PRPF8: variants seen among roughly 807,000 people sequenced by gnomAD.
PRPF8 encodes pre-mRNA-processing-splicing factor 8.
In PRPF8, 64 loss-of-function variants were observed where a neutral mutation model predicts 285.9. The observed-to-expected ratio is 0.22, with a 90% CI of 0.18 to 0.28. The LOEUF is 0.28. PRPF8 is among the 10% of genes least tolerant of loss of function. The pLI, the probability that PRPF8 is intolerant of heterozygous loss-of-function variation, is 1.00. For synonymous variants in PRPF8, 1,325 were observed against 1,118.2 expected (o/e 1.18, Z -3.69); for missense variants, 1,426 against 3,026.7 (o/e 0.47, Z 12.41).
Position 1,653,437 on chromosome 17 carries a change from G to T in PRPF8, c.6369+105C>A. On this transcript the variant is annotated intron_variant, in intron 39 of 42. Transcript: ENST00000304992. The surrounding 1 kb of genome is among the most constrained non-coding windows in gnomAD (Gnocchi z 4.9). ...TATCCTTGTATAATTACTCATCCAT[G>T]AATCTTGAAACCAGCATCTCAAGTT... 2 of 1,497,942 alleles carry T rather than the reference G, an allele frequency of 1.3e-6. No homozygotes were observed. Among genetic ancestry groups the T allele is most frequent in the Non-Finnish European group, 1.9e-6 (2 of 1,079,734 alleles). The allele number at this position is 1,497,942 out of a possible 1,614,324, so 92.8% of individuals were successfully genotyped here. A position where few individuals can be genotyped will look rare whatever the true frequency, so the allele number is the denominator to read the frequency against.
intron 24 of PRPF8, among the ~76,000 whole-genome samples, chr17:1,667,289 G>A (rs1912044735): frequency 6.6e-6 from 1 of 152,202 alleles, no homozygotes; most frequent in African/African-American, 2.4e-5. Flanking sequence ...GCTGATGTGT[G>A]TAATGGAACA....
intron 4 of PRPF8, 37 bp downstream of exon 4, chr17:1,682,092 C>T (rs1217980348): frequency 1.9e-6 from 3 of 1,613,326 alleles, no homozygotes; most frequent in Non-Finnish European, 2.5e-6. Context: ...CCAACCACCA[C>T]CACCACCACC....
At chr17:1,684,649 A>G in intron 1 of PRPF8, 67 bp from the exon 2 acceptor site, 1 of 1,471,240 alleles carries the variant, frequency 6.8e-7, no homozygotes, top group South Asian at 1.2e-5. Flanking sequence ...CGCAGCAGAA[A>G]GGCGTCCGGG....
At chr17:1,681,116 T>A in intron 6 of PRPF8, 62 bp from the exon 7 acceptor site, 1 of 1,534,214 alleles carries the variant, frequency 6.5e-7, no homozygotes, top group Non-Finnish European at 9.0e-7. Context: ...CTCACTCTTA[T>A]CACCCAAGCT....
In PRPF8 at chr17:1,659,040, C is replaced by CT; in HGVS notation, c.5139-278dup. 1 of 492,018 alleles carries CT rather than the reference C, an allele frequency of 2.0e-6. No homozygotes were observed. The highest frequency in any genetic ancestry group is 3.5e-6 in the Non-Finnish European group (1 of 283,776). The allele number at this position is 492,018 out of a possible 1,614,324, so 30.5% of individuals were successfully genotyped here. The stretch of plus-strand genomic sequence containing the variant: ...TTTATTTATTATTATTATTATTTTT[C>CT]TTTGAGATGGAGTCTCACTCTGTCG... On this transcript the variant is annotated intron_variant, in intron 32 of 42. Coordinates refer to ENST00000304992, the MANE Select transcript of PRPF8 (RefSeq NM_006445.4). The surrounding 1 kb of genome is among the most constrained non-coding windows in gnomAD (Gnocchi z 5.1).
At position 1,681,823 on chromosome 17, in the gene PRPF8, C is replaced by T; in HGVS notation, c.650G>A (p.Arg217Lys). 1.2e-6 allele frequency: 2 copies of T among 1,614,020 alleles called. No individual in the cohort carries two copies. The highest frequency in any genetic ancestry group is 1.7e-6 in the Non-Finnish European group (2 of 1,179,972). The change falls in exon 5 of 43, where the codon AGG becomes AAG. Residue 217 changes from arginine (R) to lysine (K), a missense_variant. Physicochemically the swap from Arg to Lys is conservative, Grantham distance 26. Around this residue, in one of 34 missense-constraint regions of PRPF8, gnomAD observed 157 missense variants for 159.6 expected, o/e 0.98. Transcript: ENST00000304992. ...FYDHQPLRDS[R>K]KYVNGSTYQR... The stretch of plus-strand genomic sequence containing the variant: ...AGTATCTCCATCTATCACTCACTTC[C>T]TGCTGTCCCTCAACGGCTGGTGGTC...
At chr17:1,665,761 G>T (rs577068314) in intron 24 of PRPF8, among the ~76,000 whole-genome samples, 2 of 147,200 alleles carry the variant, frequency 1.4e-5, no homozygotes, top group Admixed American at 6.8e-5. Context: ...CAGGAGAATC[G>T]CTTGAACTCA....
In PRPF8 at chr17:1,683,436, C is replaced by T. The variant is rs1913048602; in HGVS notation, c.269+97G>A. ...GGTTTTCTCCTTTCTCTTATATCCA[C>T]CAAGATGAGCTGTCAAAGCATCAAT... On this transcript the variant is annotated intron_variant, in intron 3 of 42. Transcript: ENST00000304992. 7.4e-6 allele frequency: 10 copies of T among 1,360,212 alleles called. No homozygotes were observed. In the South Asian group the frequency reaches 1.1e-4, roughly 14 times the overall value. The allele number at this position is 1,360,212 out of a possible 1,614,324, so 84.3% of individuals were successfully genotyped here. A position where few individuals can be genotyped will look rare whatever the true frequency, so the allele number is the denominator to read the frequency against.
intron 34 of PRPF8, 151 bp from the exon 35 acceptor site, chr17:1,656,912 A>T (rs1419706000): frequency 2.3e-5 from 18 of 783,584 alleles, no homozygotes; most frequent in Non-Finnish European, 3.9e-5. Flanking sequence ...AAGAGTATCA[A>T]ATGGCCGTGT....
chr17:1,656,616 C>T, intron 35 of PRPF8, 32 bp downstream of exon 35: 2 of 1,613,936 alleles, frequency 1.2e-6, no homozygotes, highest in South Asian at 2.2e-5. Context: ...GTCTCAAGGT[C>T]TCTTTTCTCC....
rs903192367 is a variant in PRPF8 at position 1,658,993 on chromosome 17, T to C, written c.5139-230A>G. Among the ~76,000 whole-genome samples, 2 of 152,148 alleles carry C rather than the reference T, an allele frequency of 1.3e-5. No individual in the cohort carries two copies. Among genetic ancestry groups the C allele is most frequent in the African/African-American group, 2.4e-5 (1 of 41,428 alleles). On this transcript the variant is annotated intron_variant, in intron 32 of 42. Coordinates refer to ENST00000304992, the MANE Select transcript of PRPF8 (RefSeq NM_006445.4). This position sits in a 1 kb window ranked among gnomAD's most constrained non-coding sequence, Gnocchi z 4.1. The stretch of plus-strand genomic sequence containing the variant: ...TGACTACGTTAAAGTATGGAGCTAA[T>C]GGAAAATACACGGATTATTTATTTA...
intron 37 of PRPF8, chr17:1,654,587 C>G (rs9896403): frequency 0.17 from 32,475 of 196,090 alleles, 6,087 homozygotes; most frequent in African/African-American, 0.51. Context: ...CCATACTATT[C>G]GAAGACACTG....
chr17:1,662,825 T>C (rs1209234475), intron 24 of PRPF8, among the ~76,000 whole-genome samples: 2 of 133,440 alleles, frequency 1.5e-5, no homozygotes, highest in African/African-American at 3.1e-5. Context: ...AGCAAGACTG[T>C]GTCTCAAAAA....
chr17:1,652,730 T>G (rs1250724860), intron 39 of PRPF8: 7 of 131,902 alleles, frequency 5.3e-5, no homozygotes, highest in Non-Finnish European at 7.8e-5. Context: ...TTTTTTTTTT[T>G]GTAGAGACTC....
rs540274595 is a variant in PRPF8, at chr17:1,659,277, C to T, written c.5138+80G>A. 4.3e-5 allele frequency: 64 copies of T among 1,502,810 alleles called. No individual in the cohort carries two copies. The highest frequency in any genetic ancestry group is 8.4e-5 in the Admixed American group (5 of 59,658). 93.1% of individuals were successfully genotyped at this position (1,502,810 alleles called of 1,614,324 possible). A position where few individuals can be genotyped will look rare whatever the true frequency, so the allele number is the denominator to read the frequency against. On this transcript the variant is annotated intron_variant, in intron 32 of 42. Coordinates refer to ENST00000304992, the MANE Select transcript of PRPF8 (RefSeq NM_006445.4). The surrounding 1 kb of genome is among the most constrained non-coding windows in gnomAD (Gnocchi z 5.1). The stretch of plus-strand genomic sequence containing the variant: ...CTGAGCTCAGACAATCTGCCCACCG[C>T]GGCCTCCCAAAGTGCTGGGATTACA...
rs1911623254 is a variant in PRPF8, at chr17:1,660,437, A to G, written c.4780T>C (p.Cys1594Arg). ...KIHESIVMDL[C>R]QVFDQELDAL... ...TCCCCTCGATTCCAGCCCACCTGACATAAGTCCATAACAATGCTCTCATGG... is the reference window on the plus strand; with the variant it reads ...TCCCCTCGATTCCAGCCCACCTGACGTAAGTCCATAACAATGCTCTCATGG... Residue 1594 changes from cysteine to arginine, a missense_variant, in exon 30 of 43, where the codon TGT becomes CGT. Physicochemically the swap from Cys to Arg is radical, Grantham distance 180. Transcript: ENST00000304992. The G allele has an allele frequency of 6.2e-7, 1 of 1,614,060 alleles. No homozygotes were observed. Among genetic ancestry groups the G allele is most frequent in the Non-Finnish European group, 8.5e-7 (1 of 1,180,028 alleles).
chr17:1,659,858 T>C lies in PRPF8; in HGVS notation c.4929A>G (p.Ser1643=), dbSNP rs1292810797. 6.2e-7 allele frequency: 1 copy of C among 1,614,108 alleles called. No individual in the cohort carries two copies. The highest frequency in any genetic ancestry group is 8.5e-7 in the Non-Finnish European group (1 of 1,180,006). ...ASYKWNVSRP[S]LLADSKDVMD... ...GCACTTACTTGGAGTCAGCCAGCAA[T>C]GAGGGCCGGGAGACATTCCACTTAT... Residue 1643 remains serine, a synonymous_variant, in exon 31 of 43, where the codon TCA becomes TCG. Coordinates refer to ENST00000304992, the MANE Select transcript of PRPF8 (RefSeq NM_006445.4). This position sits in a 1 kb window ranked among gnomAD's most constrained non-coding sequence, Gnocchi z 5.1.
chr17:1,665,861 G>GA (rs1156562313), intron 24 of PRPF8, among the ~76,000 whole-genome samples: 1 of 140,210 alleles, frequency 7.1e-6, no homozygotes, highest in East Asian at 2.1e-4. Flanking sequence ...AAAAAAAAAA[G>GA]AAAAAGAGAA....
intron 24 of PRPF8, among the ~76,000 whole-genome samples, chr17:1,662,583 C>A (rs1238109732): frequency 7.2e-6 from 1 of 139,582 alleles, no homozygotes; most frequent in African/African-American, 2.8e-5. Context: ...AGCGAGACTC[C>A]ATCTCAGGGG....
Sources: gnomAD v4.1 joint callset for allele counts (sites outside exome capture counted in the v4.1 genomes callset) on GRCh38, gnomAD v4.1.1 for gene constraint, gnomAD v4.1.1 regional missense constraint, Gnocchi (gnomAD v3.1) non-coding constraint, MANE v1.5 for transcripts, NCBI Gene and HGNC (gene_info 2026-07-23, HGNC 2026-07-21) for gene names.